GPNMB: variants seen among roughly 807,000 people sequenced by gnomAD.
The protein encoded by GPNMB is glycoprotein nmb.
In GPNMB, 71 loss-of-function variants were observed where a neutral mutation model predicts 57.3. The ratio of observed to expected loss-of-function variants is 1.24; its 90% CI spans 1.02 to 1.51. GPNMB has a LOEUF of 1.51. Among genes scored for constraint, GPNMB ranks in the 40% most tolerant of loss-of-function variants. The pLI is 0.00. For missense variants in GPNMB, 677 were observed against 691.9 expected, an observed-to-expected ratio of 0.98 and a Z score of 0.24; for synonymous variants, 253 against 263.2, an observed-to-expected ratio of 0.96 and a Z score of 0.38.
At chr7:23,253,587 G>A in intron 2 of GPNMB, 128 bp downstream of exon 2, 1 of 727,688 alleles carries the variant, frequency 1.4e-6, no homozygotes. Flanking sequence ...TTACCAAGTG[G>A]GGAGGCACCT....
At chr7:23,260,377 C>CCCAAAA in intron 5 of GPNMB, 79 bp from the exon 6 acceptor site, 1 of 1,221,438 alleles carries the variant, frequency 8.2e-7, no homozygotes. Flanking sequence ...ATATTTCAAC[C>CCCAAAA]TAAAAGCATC....
chr7:23,270,253 C>A, intron 9 of GPNMB, 78 bp downstream of exon 9: 1 of 917,252 alleles, frequency 1.1e-6, no homozygotes, highest in Non-Finnish European at 1.7e-6. Flanking sequence ...CTATTTAGGC[C>A]TTTGTTTTCA....
At chr7:23,259,752 T>A (rs1782867732) in intron 4 of GPNMB, among the ~76,000 whole-genome samples, 1 of 152,238 alleles carries the variant, frequency 6.6e-6, no homozygotes, top group Non-Finnish European at 1.5e-5. Flanking sequence ...AACAGCTTTT[T>A]AAATTTTAAC....
At chr7:23,254,428 A>T in intron 3 of GPNMB, 116 bp downstream of exon 3, 1 of 789,296 alleles carries the variant, frequency 1.3e-6, no homozygotes, top group East Asian at 2.7e-5. Context: ...GCACTCCATG[A>T]GCTGGATGAC....
chr7:23,257,136 C>A, intron 4 of GPNMB, 71 bp downstream of exon 4: 1 of 1,300,948 alleles, frequency 7.7e-7, no homozygotes, highest in Non-Finnish European at 1.1e-6. Context: ...TTTTCTTACT[C>A]TATAATTGAG....
chr7:23,266,830 C>A (rs1377659659), intron 7 of GPNMB, among the ~76,000 whole-genome samples: 3 of 152,242 alleles, frequency 2.0e-5, no homozygotes, highest in Admixed American at 2.0e-4. Flanking sequence ...TGGAAACAAG[C>A]CTTCTGTGAA....
chr7:23,260,028 A>G lies in GPNMB; in HGVS notation c.590A>G (p.Asn197Ser). ...LGRCSVRVSVNTANVTLGPQL... is the reference protein window; with the variant it reads ...LGRCSVRVSVSTANVTLGPQL... ...CGATGTTCAGTGAGAGTTTCTGTGA[A>G]CACAGCCAATGTGACACTTGGGCCT... is the stretch of plus-strand genomic sequence containing the variant. The change falls in exon 5 of 11, where the codon AAC (asparagine) becomes AGC (serine). Residue 197 changes from asparagine to serine, a missense_variant. By Grantham distance (46) the Asn-to-Ser change is conservative. Coordinates refer to ENST00000258733, the MANE Select transcript of GPNMB (RefSeq NM_002510.3). The G allele has an allele frequency of 6.2e-7, 1 of 1,614,182 alleles. No individual in the cohort carries two copies. Among genetic ancestry groups the G allele is most frequent in the Non-Finnish European group, 8.5e-7 (1 of 1,179,998 alleles).
chr7:23,247,435 C>G (rs1782557685), intron 1 of GPNMB: 1 of 167,664 alleles, frequency 6.0e-6, no homozygotes, highest in African/African-American at 2.4e-5. Context: ...AGCCCAGGCT[C>G]TCTACCCTGG....
intron 1 of GPNMB, among the ~76,000 whole-genome samples, chr7:23,251,328 G>A (rs1041277378): frequency 6.6e-6 from 1 of 152,168 alleles, no homozygotes; most frequent in African/African-American, 2.4e-5. Flanking sequence ...ATCTCTCCCA[G>A]GATTTAAGAG....
At chr7:23,262,608 C>CTTTTTTTTTTT (rs58011121) in intron 6 of GPNMB, among the ~76,000 whole-genome samples, 2 of 62,850 alleles carry the variant, frequency 3.2e-5, no homozygotes, top group Admixed American at 2.9e-4. Context: ...TCACCATTCT[C>CTTTTTTTTTTT]TTTTTTTTTT....
chr7:23,262,089 G>GT lies in GPNMB; in HGVS notation c.1018+1321dup, dbSNP rs1311520454. On this transcript the variant is annotated intron_variant, in intron 6 of 10. Coordinates refer to ENST00000258733, the MANE Select transcript of GPNMB (RefSeq NM_002510.3). ...TCCATCATGACGTCTGGGGCTTCTTGTTTTTACAAAATCCTGTTTGTTATA... is the reference window on the plus strand; with the variant it reads ...TCCATCATGACGTCTGGGGCTTCTTGTTTTTTACAAAATCCTGTTTGTTATA... Among the ~76,000 whole-genome samples the GT allele has an allele frequency of 3.3e-5, 5 of 150,896 alleles. No homozygotes were observed. In the East Asian group the frequency reaches 9.6e-4, roughly 29 times the overall value.
chr7:23,264,461 C>T (rs532790793), intron 6 of GPNMB, among the ~76,000 whole-genome samples: 1 of 152,252 alleles, frequency 6.6e-6, no homozygotes, highest in African/African-American at 2.4e-5. Context: ...CAACCTCTGC[C>T]TTCTGGGTTC....
At chr7:23,270,599 C>A (rs142634161) in intron 9 of GPNMB, among the ~76,000 whole-genome samples, 1 of 152,148 alleles carries the variant, frequency 6.6e-6, no homozygotes, top group Non-Finnish European at 1.5e-5. Context: ...AGATATGAAG[C>A]CTGGAAGAGA....
chr7:23,262,433 TG>T (rs1782947139), intron 6 of GPNMB, among the ~76,000 whole-genome samples: 2 of 151,962 alleles, frequency 1.3e-5, no homozygotes, highest in Admixed American at 6.5e-5. Context: ...GTTGTGTAAA[TG>T]GGTTCATTTA....
At chr7:23,267,114 T>C (rs1000464118) in intron 7 of GPNMB, among the ~76,000 whole-genome samples, 10 of 151,762 alleles carry the variant, frequency 6.6e-5, no homozygotes, top group African/African-American at 2.4e-4. Flanking sequence ...GTTCTGGGAG[T>C]GAGGATGGAG....
Position 23,260,616 on chromosome 7 carries a change from T to G in GPNMB, c.861T>G (p.Asp287Glu), listed in dbSNP as rs1454921815. ...TTAACTACAAGTGGAGCTTCGGGGA[T>G]AATACTGGCCTGTTTGTTTCCACCA... ...STINYKWSFG[D>E]NTGLFVSTNH... Residue 287 changes from aspartate to glutamate, a missense_variant, in exon 6 of 11, where the codon GAT becomes GAG. Coordinates refer to ENST00000258733, the MANE Select transcript of GPNMB (RefSeq NM_002510.3). 1.9e-6 allele frequency: 3 copies of G among 1,614,154 alleles called. No individual in the cohort carries two copies. The African/African-American group carries it at 4.0e-5, about 22-fold the overall frequency.
Position 23,253,812 on chromosome 7 carries a change from C to T in GPNMB, c.223+353C>T, listed in dbSNP as rs143398289. ...TCTCAAAGGTGTGGCTTATCAGAAA[C>T]GGAAAATCTTTCTTTTTAGATAAAA... On this transcript the variant is annotated intron_variant, in intron 2 of 10. Coordinates refer to ENST00000258733, the MANE Select transcript of GPNMB (RefSeq NM_002510.3). Among the ~76,000 whole-genome samples the T allele has an allele frequency of 3.6e-3, 549 of 152,274 alleles. 2 individuals are homozygous for T. The highest frequency in any genetic ancestry group is 0.012 in the African/African-American group (493 of 41,552).
At chr7:23,265,175 G>C (rs147480141) in intron 6 of GPNMB, among the ~76,000 whole-genome samples, 1 of 152,318 alleles carries the variant, frequency 6.6e-6, no homozygotes, top group African/African-American at 2.4e-5. Flanking sequence ...CCTGTTCTGA[G>C]AACTGCTCTG....
rs199988275 is a variant in GPNMB at position 23,254,288 on chromosome 7, G to C, written c.343G>C (p.Val115Leu). The change falls in exon 3 of 11, where the codon GTC (valine) becomes CTC (leucine). Residue 115 changes from valine (V) to leucine (L), a missense_variant. Val to Leu is a conservative substitution (Grantham distance 32). Coordinates refer to ENST00000258733, the MANE Select transcript of GPNMB (RefSeq NM_002510.3). Reference protein sequence around the residue: ...CQKEDANGNIVYEKNCRNEAG... With the variant: ...CQKEDANGNILYEKNCRNEAG... ...AAAGGAAGATGCCAATGGCAACATA[G>C]TCTATGAGAAGAACTGCAGAAATGG... 1.2e-6 allele frequency: 2 copies of C among 1,613,486 alleles called. No individual in the cohort carries two copies. Among genetic ancestry groups the C allele is most frequent in the Non-Finnish European group, 1.7e-6 (2 of 1,179,438 alleles).
Sources: allele counts gnomAD v4.1 joint callset (sites outside exome capture counted in the v4.1 genomes callset), GRCh38; gene constraint gnomAD v4.1.1; transcripts MANE v1.5; gene names NCBI Gene and HGNC (gene_info 2026-07-23, HGNC 2026-07-21).